The following LRIF1 variants were observed in gnomAD, a reference collection of about 807,000 sequenced individuals.
LRIF1 encodes the protein ligand dependent nuclear receptor interacting factor 1, also known as ligand-dependent nuclear receptor-interacting factor 1.
Under a neutral mutation model 52.7 loss-of-function variants are expected in LRIF1, and 32 were observed. That is an observed-to-expected ratio of 0.61 (90% confidence interval 0.46 to 0.82). The LOEUF (loss-of-function observed/expected upper bound fraction) is 0.82. Ranked by LOEUF, LRIF1 falls within the 40% of genes least tolerant of loss-of-function variation. The pLI is 0.00. For synonymous variants in LRIF1, 323 were observed against 317.4 expected, an observed-to-expected ratio of 1.02 and a Z score of -0.19; for missense variants, 887 against 892.0, an observed-to-expected ratio of 0.99 and a Z score of 0.07.
chr1:110,879,863 G>A, the LRIF1 span, among the ~76,000 whole-genome samples: 3 of 152,218 alleles, frequency 2.0e-5, no homozygotes, highest in East Asian at 3.9e-4. Flanking sequence ...CCACCATGGC[G>A]AGCCTGATCG....
intron 1 of LRIF1, among the ~76,000 whole-genome samples, chr1:110,961,940 T>G (rs1008191640): frequency 6.6e-6 from 1 of 151,986 alleles, no homozygotes; most frequent in Admixed American, 6.6e-5. Flanking sequence ...CATTCAAAAA[T>G]AATAAAAACA....
the LRIF1 span, among the ~76,000 whole-genome samples, chr1:110,921,996 C>T: frequency 6.6e-6 from 1 of 152,124 alleles, no homozygotes; most frequent in African/African-American, 2.4e-5. Flanking sequence ...TTATGTAGAC[C>T]TCAGTGTCTG....
the LRIF1 span, among the ~76,000 whole-genome samples, chr1:110,901,148 CTGT>C: frequency 2.4e-5 from 2 of 83,736 alleles, no homozygotes; most frequent in African/African-American, 5.9e-5. Context: ...TTCTCTCTCT[CTGT>C]TTTTTTTTGT....
chr1:110,960,129 T>C (rs180737433), intron 1 of LRIF1, among the ~76,000 whole-genome samples: 9 of 152,266 alleles, frequency 5.9e-5, no homozygotes, highest in Admixed American at 3.9e-4. Flanking sequence ...CATTCCCATT[T>C]TATACTTGAG....
the LRIF1 span, among the ~76,000 whole-genome samples, chr1:110,923,809 C>T: frequency 3.3e-5 from 5 of 152,012 alleles, no homozygotes; most frequent in Non-Finnish European, 7.4e-5. Context: ...TATTAAAGAG[C>T]TGAGCATTCA....
the LRIF1 span, among the ~76,000 whole-genome samples, chr1:110,927,151 A>C: frequency 6.6e-6 from 1 of 152,182 alleles, no homozygotes; most frequent in African/African-American, 2.4e-5. Flanking sequence ...AAATTCTAAA[A>C]ACTGTTAGAA....
intron 1 of LRIF1, among the ~76,000 whole-genome samples, chr1:110,953,908 C>T (rs1658588344): frequency 1.3e-5 from 2 of 152,078 alleles, no homozygotes; most frequent in Admixed American, 6.5e-5. Context: ...TGCTTGTTAG[C>T]TTCCTTCATG....
In LRIF1 at chr1:110,951,711, T is replaced by C. The variant is rs1305435003; in HGVS notation, c.1173A>G (p.Val391=). The C allele has an allele frequency of 1.2e-6, 2 of 1,614,008 alleles. No individual in the cohort carries two copies. The highest frequency in any genetic ancestry group is 4.5e-5 in the East Asian group (2 of 44,878). The change falls in exon 2 of 4, where the codon GTA becomes GTG. Residue 391 remains valine (V), a synonymous_variant. Coordinates refer to ENST00000369763, the MANE Select transcript of LRIF1 (RefSeq NM_018372.4). ...TCACTGTCTGTAACGTGTCTTTTCTTACTGGAGTATCAGGAGAAACAGAAT... is the reference window on the plus strand; with the variant it reads ...TCACTGTCTGTAACGTGTCTTTTCTCACTGGAGTATCAGGAGAAACAGAAT... ...QQNSVSPDTP[V]RKDTLQTVSS...
At chr1:110,886,340 C>T in the LRIF1 span, among the ~76,000 whole-genome samples, 2 of 151,958 alleles carry the variant, frequency 1.3e-5, no homozygotes, top group African/African-American at 4.8e-5. Flanking sequence ...GTGTAGCTTT[C>T]TTCATGTTTC....
Position 110,947,703 on chromosome 1 carries a change from TTAAAA to T in LRIF1, c.*251_*255del. 3.4e-6 allele frequency: 1 copy of T among 295,304 alleles called. No individual in the cohort carries two copies. The highest frequency in any genetic ancestry group is 6.5e-5 in the East Asian group (1 of 15,392). 18.3% of individuals were successfully genotyped at this position (295,304 alleles called of 1,614,324 possible). ...AATATTCAAACTTGGAGAATTCTAG[TTAAAA>T]TAATAGAAAAATATAAAATTTATCC... On this transcript the variant is annotated 3_prime_UTR_variant, in exon 4 of 4. Transcript: ENST00000369763.
chr1:110,902,495 T>TAAAAAAAAAAAAAAAAAAAAAAAA, the LRIF1 span, among the ~76,000 whole-genome samples: 12 of 72,660 alleles, frequency 1.7e-4, no homozygotes, highest in Admixed American at 2.7e-4. Context: ...AATCAATCAC[T>TAAAAAAAAAAAAAAAAAAAAAAAA]AAAAAAAAAA....
In LRIF1 at chr1:110,947,382, T is replaced by C. The variant is rs1658243180; in HGVS notation, c.*577A>G. ...TACCTTTGGATTATATAAAATTACATTGTAAAGTTACAAATGTTGCTCATT... is the reference window on the plus strand; with the variant it reads ...TACCTTTGGATTATATAAAATTACACTGTAAAGTTACAAATGTTGCTCATT... On this transcript the variant is annotated 3_prime_UTR_variant, in exon 4 of 4. Transcript: ENST00000369763. 6.6e-6 allele frequency: 1 copy of C among 152,116 alleles called. No individual in the cohort carries two copies. The highest frequency in any genetic ancestry group is 2.4e-5 in the African/African-American group (1 of 41,420). 9.4% of individuals were successfully genotyped at this position (152,116 alleles called of 1,614,324 possible).
At chr1:110,896,574 C>A in the LRIF1 span, 1 of 1,334,352 alleles carries the variant, frequency 7.5e-7, no homozygotes, top group Non-Finnish European at 1.1e-6. Flanking sequence ...CTGAAGGGCA[C>A]ACCTTTTCCT....
chr1:110,876,427 T>A, the LRIF1 span, among the ~76,000 whole-genome samples: 1 of 152,238 alleles, frequency 6.6e-6, no homozygotes, highest in African/African-American at 2.4e-5. Context: ...ATGTAATTGA[T>A]CTTAAGCTAC....
chr1:110,959,715 C>T (rs1266994152), intron 1 of LRIF1, among the ~76,000 whole-genome samples: 17 of 125,902 alleles, frequency 1.4e-4, no homozygotes, highest in Admixed American at 3.1e-4. Flanking sequence ...CTCCACCTGG[C>T]GACAGAGCGA....
chr1:110,935,929 A>G, the LRIF1 span, among the ~76,000 whole-genome samples: 706 of 152,296 alleles, frequency 4.6e-3, 7 homozygotes, highest in African/African-American at 0.016. Context: ...TCAAGTATAA[A>G]GAAATATTTC....
the LRIF1 span, among the ~76,000 whole-genome samples, chr1:110,914,761 T>C: frequency 6.6e-6 from 1 of 152,054 alleles, no homozygotes; most frequent in East Asian, 1.9e-4. Flanking sequence ...TCTAAAAAAA[T>C]ACTGATCAGA....
the LRIF1 span, chr1:110,897,562 A>G: frequency 6.1e-6 from 2 of 327,694 alleles, no homozygotes; most frequent in South Asian, 1.3e-4. Context: ...AGTTTAACTC[A>G]GCGGGTAAGG....
chr1:110,891,378 T>A, the LRIF1 span: 1 of 1,579,472 alleles, frequency 6.3e-7, no homozygotes, highest in Non-Finnish European at 8.7e-7. Context: ...ACTTTCTTCT[T>A]CCTTATTCCT....
Sources: allele counts gnomAD v4.1 joint callset (sites outside exome capture counted in the v4.1 genomes callset), GRCh38; gene constraint gnomAD v4.1.1; transcripts MANE v1.5; gene names NCBI Gene and HGNC (gene_info 2026-07-23, HGNC 2026-07-21).